The following WSB1 variants were observed in gnomAD, a reference collection of about 807,000 sequenced individuals.
WSB1 encodes WD repeat and SOCS box containing 1.
In WSB1, 23 loss-of-function variants were observed where a neutral mutation model predicts 50.2. The observed-to-expected ratio is 0.46, with a 90% CI of 0.33 to 0.65. The LOEUF (loss-of-function observed/expected upper bound fraction) is 0.65. WSB1 is among the 30% of genes least tolerant of loss of function. The pLI, the probability that WSB1 is intolerant of heterozygous loss-of-function variation, is 0.02. For missense variants in WSB1, 492 were observed against 522.3 expected, an observed-to-expected ratio of 0.94 and a Z score of 0.56; for synonymous variants, 179 against 172.0, an observed-to-expected ratio of 1.04 and a Z score of -0.32.
intron 5 of WSB1, chr17:27,308,313 A>G (rs2017538139): frequency 1.0e-6 from 1 of 985,898 alleles, no homozygotes; most frequent in Admixed American, 6.1e-5. Context: ...AAACATTAGA[A>G]TCCTGTTTAG....
intron 1 of WSB1, among the ~76,000 whole-genome samples, chr17:27,299,957 T>A (rs2017158142): frequency 7.5e-6 from 1 of 133,234 alleles, no homozygotes. Context: ...AAAGTAGGTC[T>A]CAGGCTTTTT....
At chr17:27,297,889 C>G (rs1394625616) in intron 1 of WSB1, among the ~76,000 whole-genome samples, 1 of 151,936 alleles carries the variant, frequency 6.6e-6, no homozygotes, top group South Asian at 2.1e-4. Flanking sequence ...GGGCAGATCA[C>G]CTGAGGTCAG....
rs780427194 is a variant in WSB1 at position 27,303,572 on chromosome 17, G to A, written c.415G>A (p.Asp139Asn). The change falls in exon 3 of 9, where the codon GAT becomes AAT. Residue 139 changes from aspartate (D) to asparagine (N), a missense_variant. Physicochemically the swap from Asp to Asn is conservative, Grantham distance 23. Coordinates refer to ENST00000262394, the MANE Select transcript of WSB1 (RefSeq NM_015626.10). ...IEWHRFRFGQ[D>N]QLLLATGLNN... is the part of the protein sequence containing the mutation. The stretch of plus-strand genomic sequence containing the variant: ...ATGGCATCGCTTCAGATTTGGACAA[G>A]ATCAGCTACTTCTTGCTACAGGGTT... 7 of 1,614,188 alleles carry A rather than the reference G, an allele frequency of 4.3e-6. No homozygotes were observed. The Admixed American group carries it at 1.0e-4, about 23-fold the overall frequency.
At position 27,301,803 on chromosome 17, in the gene WSB1, T is replaced by C. The variant is rs1567685569; in HGVS notation, c.56T>C (p.Ile19Thr). 1 of 1,614,122 alleles carries C rather than the reference T, an allele frequency of 6.2e-7. No individual in the cohort carries two copies. Among genetic ancestry groups the C allele is most frequent in the East Asian group, 2.2e-5 (1 of 44,878 alleles). Reference sequence around the variant, plus strand: ...TTCCTTTTAGTGAGATTACGTACTATAGGTGAACTTTTAGCTCCTGCAGCT... The same window carrying C: ...TTCCTTTTAGTGAGATTACGTACTACAGGTGAACTTTTAGCTCCTGCAGCT... ...NEKEIVRLRT[I>T]GELLAPAAPF... Residue 19 changes from isoleucine (I) to threonine (T), a missense_variant, in exon 2 of 9, where the codon ATA becomes ACA. Physicochemically the swap from Ile to Thr is moderately conservative, Grantham distance 89 (BLOSUM62 -1). Transcript: ENST00000262394.
At chr17:27,307,560 G>A (rs1271841412) in intron 5 of WSB1, 1 of 593,266 alleles carries the variant, frequency 1.7e-6, no homozygotes, top group African/African-American at 1.9e-5. Flanking sequence ...GAGGGTGGGA[G>A]GCTAGTTGAA....
In WSB1 at chr17:27,306,858, G is replaced by C. The variant is rs1435283248; in HGVS notation, c.687G>C (p.Leu229=). Residue 229 remains leucine (L), a synonymous_variant, in exon 5 of 9, where the codon CTG becomes CTC. Coordinates refer to ENST00000262394, the MANE Select transcript of WSB1 (RefSeq NM_015626.10). ...SCAFSPDSSM[L]CSVGASKAVF... ...CATTCTCTCCTGACTCTTCTATGCT[G>C]TGTTCAGTCGGAGCCAGTAAAGCAG... The C allele has an allele frequency of 9.9e-6, 16 of 1,614,186 alleles. No individual in the cohort carries two copies. The highest frequency in any genetic ancestry group is 1.3e-5 in the Non-Finnish European group (15 of 1,180,024).
chr17:27,297,104 T>C (rs571084703), intron 1 of WSB1: 1 of 152,346 alleles, frequency 6.6e-6, no homozygotes, highest in South Asian at 2.1e-4. Flanking sequence ...AATATGTTAT[T>C]ATTTCATTGT....
chr17:27,301,707 C>A, intron 1 of WSB1, 81 bp from the exon 2 acceptor site: 2 of 1,477,898 alleles, frequency 1.4e-6, no homozygotes, highest in Non-Finnish European at 1.9e-6. Context: ...GGAAGAAACT[C>A]AATCCCAAAG....
At chr17:27,304,984 T>G in intron 4 of WSB1, 73 bp downstream of exon 4, 3 of 1,564,188 alleles carry the variant, frequency 1.9e-6, no homozygotes, top group Non-Finnish European at 2.6e-6. Context: ...TGGGAACATG[T>G]GGGGCATTTG....
chr17:27,311,830 C>T (rs951575403), intron 8 of WSB1, among the ~76,000 whole-genome samples: 6 of 151,686 alleles, frequency 4.0e-5, no homozygotes, highest in South Asian at 2.1e-4. Flanking sequence ...CCAGTAGGGT[C>T]GGGATTTCAC....
At chr17:27,299,663 C>G (rs1485526346) in intron 1 of WSB1, among the ~76,000 whole-genome samples, 1 of 152,110 alleles carries the variant, frequency 6.6e-6, no homozygotes, top group Non-Finnish European at 1.5e-5. Flanking sequence ...CCAGTACTAA[C>G]TAGAATTTAT....
rs537128551 is a variant in WSB1 at position 27,294,349 on chromosome 17, G to T, written c.-47G>T. 1 of 1,610,688 alleles carries T rather than the reference G, an allele frequency of 6.2e-7. No individual in the cohort carries two copies. Among genetic ancestry groups the T allele is most frequent in the East Asian group, 2.2e-5 (1 of 44,698 alleles). On this transcript the variant is annotated 5_prime_UTR_variant, in exon 1 of 9. Transcript: ENST00000262394. ...CTCAGCGGTCGCCACTCTCTTCTCT[G>T]TTGTTGGGTCCGCATCGTATTCCCG...
rs2017481393 is a variant in WSB1, at chr17:27,306,859, T to G, written c.688T>G (p.Cys230Gly). Residue 230 changes from cysteine to glycine, a missense_variant, in exon 5 of 9, where the codon TGT (cysteine) becomes GGT (glycine). Physicochemically the swap from Cys to Gly is radical, Grantham distance 159. Coordinates refer to ENST00000262394, the MANE Select transcript of WSB1 (RefSeq NM_015626.10). ...CAFSPDSSML[C>G]SVGASKAVFL... ...ATTCTCTCCTGACTCTTCTATGCTG[T>G]GTTCAGTCGGAGCCAGTAAAGCAGT... The G allele has an allele frequency of 6.2e-7, 1 of 1,614,086 alleles. No individual in the cohort carries two copies.
intron 1 of WSB1, among the ~76,000 whole-genome samples, chr17:27,298,628 G>A (rs767701611): frequency 6.6e-6 from 1 of 152,042 alleles, no homozygotes; most frequent in Non-Finnish European, 1.5e-5. Flanking sequence ...CGAGGCGGGC[G>A]GGTCACAAGG....
Position 27,310,090 on chromosome 17 carries a change from T to C in WSB1, c.914T>C (p.Phe305Ser). 1 of 1,614,120 alleles carries C rather than the reference T, an allele frequency of 6.2e-7. No homozygotes were observed. The highest frequency in any genetic ancestry group is 1.3e-5 in the African/African-American group (1 of 75,054). Residue 305 changes from phenylalanine to serine, a missense_variant, in exon 7 of 9, where the codon TTT (phenylalanine) becomes TCT (serine). Coordinates refer to ENST00000262394, the MANE Select transcript of WSB1 (RefSeq NM_015626.10). ...CTGTTTCCCCCACCTACTCCAATAT[T>C]TGCTGGAGGAGCAAATGACCGGTGG... ...GHLFPPPTPI[F>S]AGGANDRWVR...
intron 5 of WSB1, chr17:27,308,124 G>T: frequency 9.5e-7 from 1 of 1,054,690 alleles, no homozygotes; most frequent in Non-Finnish European, 1.1e-6. Context: ...AATTCTTTCA[G>T]ATTCCAGAGA....
At chr17:27,303,290 C>T in intron 2 of WSB1, 77 bp from the exon 3 acceptor site, 1 of 1,464,694 alleles carries the variant, frequency 6.8e-7, no homozygotes. Flanking sequence ...TTTTAACAAA[C>T]ACTTGTAATT....
intron 6 of WSB1, 75 bp downstream of exon 6, chr17:27,309,347 A>G: frequency 8.2e-7 from 1 of 1,216,656 alleles, no homozygotes; most frequent in Non-Finnish European, 1.1e-6. Flanking sequence ...TACAATCACC[A>G]ATATATGCAA....
At chr17:27,308,147 T>C (rs1316164294) in intron 5 of WSB1, 2 of 1,019,776 alleles carry the variant, frequency 2.0e-6, no homozygotes, top group African/African-American at 3.4e-5. Context: ...TCTTACGTCT[T>C]TGATTCAATT....
Sources: allele counts gnomAD v4.1 joint callset (sites outside exome capture counted in the v4.1 genomes callset), GRCh38; gene constraint gnomAD v4.1.1; transcripts MANE v1.5; gene names NCBI Gene and HGNC (gene_info 2026-07-23, HGNC 2026-07-21).